INSC: variants seen among roughly 807,000 people sequenced by gnomAD.
The protein encoded by INSC is protein inscuteable homolog.
A neutral mutation model predicts 58.6 loss-of-function variants in INSC; 67 were observed. The ratio of observed to expected loss-of-function variants is 1.14; its 90% confidence interval spans 0.94 to 1.40. The LOEUF (loss-of-function observed/expected upper bound fraction) is 1.40. Ranked by LOEUF, INSC falls within the 40% of genes most tolerant of loss-of-function variation. The pLI is 0.00. For synonymous variants in INSC, 262 were observed against 276.1 expected (o/e 0.95, Z 0.51); for missense variants, 714 against 692.0 (o/e 1.03, Z -0.36).
the INSC span, among the ~76,000 whole-genome samples, chr11:15,257,384 GAA>G: frequency 2.0e-5 from 3 of 152,134 alleles, no homozygotes; most frequent in African/African-American, 7.2e-5. Flanking sequence ...GTAAGAAAAA[GAA>G]AGTGATAAAA....
chr11:15,246,079 C>T lies in INSC; in HGVS notation c.*39C>T. The T allele has an allele frequency of 1.2e-6, 2 of 1,611,666 alleles. No homozygotes were observed. The highest frequency in any genetic ancestry group is 3.3e-4 in the Middle Eastern group (2 of 6,056). On this transcript the variant is annotated 3_prime_UTR_variant, in exon 13 of 13. Transcript: ENST00000379556. ...AGAAATACATTTGGCTGTTCTCACA[C>T]CCCCTCTGACTATGCACCAGTGAAC...
intron 9 of INSC, among the ~76,000 whole-genome samples, chr11:15,231,762 G>C (rs147914112): frequency 2.4e-4 from 37 of 152,296 alleles, no homozygotes; most frequent in African/African-American, 8.9e-4. Flanking sequence ...AAGTTCTTTA[G>C]ATCAGAGCAC....
chr11:15,159,849 C>T (rs946476340), intron 2 of INSC, among the ~76,000 whole-genome samples: 2 of 152,164 alleles, frequency 1.3e-5, no homozygotes, highest in Admixed American at 6.5e-5. Context: ...TGGCATAGGG[C>T]CCGTCCTCAA....
At chr11:15,202,805 GA>G (rs1850646191) in intron 7 of INSC, among the ~76,000 whole-genome samples, 1 of 152,220 alleles carries the variant, frequency 6.6e-6, no homozygotes, top group African/African-American at 2.4e-5. Flanking sequence ...TGTTTGTTTA[GA>G]GTTGAAAACC....
chr11:15,159,191 G>A (rs1848928625), intron 2 of INSC, among the ~76,000 whole-genome samples: 1 of 152,160 alleles, frequency 6.6e-6, no homozygotes, highest in Non-Finnish European at 1.5e-5. Context: ...CTGAGGCTTG[G>A]GAGTGGAGCC....
At position 15,221,644 on chromosome 11, in the gene INSC, C is replaced by T. The variant is rs61742947; in HGVS notation, c.987C>T (p.Leu329=). The T allele has an allele frequency of 0.045, 72,215 of 1,609,282 alleles. 2,637 individuals are homozygous for T. The highest frequency in any genetic ancestry group is 0.19 in the African/African-American group (13,901 of 74,808). ...GCATGGAGGAGATCGTGACAGCCCT[C>T]GTCAGTGAGTCACCCTGGGCAGCGG... ...LESMEEIVTA[L]VKLCQEASSG... is the part of the protein sequence containing the mutation. The change falls in exon 8 of 13, where the codon CTC becomes CTT. Residue 329 remains leucine, a synonymous_variant. Transcript: ENST00000379556.
Position 15,239,713 on chromosome 11 carries a change from A to G in INSC, c.1393+639A>G, listed in dbSNP as rs544482938. The stretch of plus-strand genomic sequence containing the variant: ...GTATCATGGGAGTGACACCCAAAGC[A>G]TGTCCATGGTGCATTTGGCATGCAC... On this transcript the variant is annotated intron_variant, in intron 11 of 12. Coordinates refer to ENST00000379556, the MANE Select transcript of INSC (RefSeq NM_001042536.3). 2.6e-5 allele frequency among the ~76,000 whole-genome samples: 4 copies of G among 152,322 alleles called. No homozygotes were observed. In the South Asian group the frequency reaches 8.3e-4, roughly 32 times the overall value.
At chr11:15,201,627 G>A (rs1161123302) in intron 7 of INSC, among the ~76,000 whole-genome samples, 1 of 152,232 alleles carries the variant, frequency 6.6e-6, no homozygotes, top group Non-Finnish European at 1.5e-5. Flanking sequence ...ACATGAGTGA[G>A]TCTGAGCTTG....
chr11:15,223,360 A>G (rs576073130), intron 8 of INSC, among the ~76,000 whole-genome samples: 2 of 152,284 alleles, frequency 1.3e-5, no homozygotes, highest in East Asian at 3.9e-4. Flanking sequence ...CCTGATGAAG[A>G]TGCATTGTAT....
chr11:15,192,034 A>T (rs1234670889), intron 6 of INSC, among the ~76,000 whole-genome samples: 6 of 152,238 alleles, frequency 3.9e-5, no homozygotes, highest in African/African-American at 1.2e-4. Context: ...TTGCTCAAGG[A>T]ATACAAGAAG....
intron 1 of INSC, among the ~76,000 whole-genome samples, chr11:15,148,564 C>A (rs1186476937): frequency 6.6e-6 from 1 of 152,188 alleles, no homozygotes; most frequent in Non-Finnish European, 1.5e-5. Flanking sequence ...ATTTCTGAAC[C>A]AATCACTGGC....
chr11:15,114,345 G>GC (rs1564852236), upstream of INSC, among the ~76,000 whole-genome samples: 1 of 152,124 alleles, frequency 6.6e-6, no homozygotes, highest in Admixed American at 6.5e-5. Flanking sequence ...CCAAGATGTG[G>GC]AGGGTGACTT....
At chr11:15,240,243 T>A (rs907121799) in intron 11 of INSC, among the ~76,000 whole-genome samples, 9 of 152,198 alleles carry the variant, frequency 5.9e-5, no homozygotes, top group African/African-American at 1.9e-4. Flanking sequence ...ATCTGTGGGT[T>A]TGGCTTGGAC....
chr11:15,259,905 A>G, the INSC span, among the ~76,000 whole-genome samples: 1 of 152,180 alleles, frequency 6.6e-6, no homozygotes, highest in Non-Finnish European at 1.5e-5. Flanking sequence ...TTGCGTCCCT[A>G]AACAATTGAA....
downstream of INSC, among the ~76,000 whole-genome samples, chr11:15,247,733 GTATATATATA>G (rs57312382): frequency 3.9e-5 from 5 of 127,458 alleles, no homozygotes; most frequent in African/African-American, 1.2e-4. Flanking sequence ...TAGAAATAAG[GTATATATATA>G]TATATATATA....
chr11:15,143,060 C>A (rs1848410411), intron 1 of INSC, among the ~76,000 whole-genome samples: 1 of 152,076 alleles, frequency 6.6e-6, no homozygotes, highest in Non-Finnish European at 1.5e-5. Flanking sequence ...AGAACCCATC[C>A]AGTCAGTGAG....
intron 1 of INSC, among the ~76,000 whole-genome samples, chr11:15,129,201 C>T (rs902925535): frequency 6.6e-6 from 1 of 152,034 alleles, no homozygotes; most frequent in Non-Finnish European, 1.5e-5. Context: ...AATAGGTTGC[C>T]CCCCATCTTC....
intron 7 of INSC, among the ~76,000 whole-genome samples, chr11:15,209,267 G>A (rs73426550): frequency 2.0e-5 from 3 of 152,188 alleles, no homozygotes. Flanking sequence ...ACCCCTCTGA[G>A]CCCCATTTCA....
intron 7 of INSC, among the ~76,000 whole-genome samples, chr11:15,217,808 G>A (rs939048): frequency 0.29 from 43,608 of 152,096 alleles, 6,899 homozygotes; most frequent in Non-Finnish European, 0.36. Flanking sequence ...AACCTCATTA[G>A]GAAGTGGAGA....
Sources: allele counts gnomAD v4.1 joint callset (sites outside exome capture counted in the v4.1 genomes callset), GRCh38; gene constraint gnomAD v4.1.1; transcripts MANE v1.5; gene names NCBI Gene and HGNC (gene_info 2026-07-23, HGNC 2026-07-21).